Variants in SOX6 observed in about 807,000 individuals in gnomAD.
SOX6 encodes the protein transcription factor SOX-6.
Under a neutral mutation model 97.8 loss-of-function variants are expected in SOX6, and 11 were observed. That is an observed-to-expected ratio of 0.11 (90% CI 0.07 to 0.19). The LOEUF (loss-of-function observed/expected upper bound fraction) is 0.19. SOX6 is among the 10% of genes least tolerant of loss of function. The probability of loss-of-function intolerance (pLI) is 1.00; values close to 1 mark genes in which losing one functional copy is unlikely to be tolerated. For synonymous variants in SOX6, 360 were observed against 371.4 expected (o/e 0.97, Z 0.35); for missense variants, 810 against 1,039.5 (o/e 0.78, Z 3.04).
intron 2 of SOX6, among the ~76,000 whole-genome samples, chr11:16,332,113 T>C (rs1195087533): frequency 6.6e-5 from 10 of 152,032 alleles, no homozygotes; most frequent in Admixed American, 2.6e-4. Context: ...AATACATCGA[T>C]GAGAGAACAA....
chr11:16,050,372 C>T (rs958850075), intron 10 of SOX6, among the ~76,000 whole-genome samples: 1 of 152,122 alleles, frequency 6.6e-6, no homozygotes, highest in African/African-American at 2.4e-5. Flanking sequence ...TTAAATCAAA[C>T]AATTGCAAGC....
At chr11:16,093,856 C>T (rs576917890) in intron 9 of SOX6, among the ~76,000 whole-genome samples, 3 of 152,064 alleles carry the variant, frequency 2.0e-5, no homozygotes, top group African/African-American at 7.2e-5. Flanking sequence ...TAAAACGTTA[C>T]TATCTAGCAC....
chr11:16,277,659 T>C (rs140982302), intron 3 of SOX6, among the ~76,000 whole-genome samples: 347 of 152,284 alleles, frequency 2.3e-3, no homozygotes, highest in African/African-American at 8.0e-3. Flanking sequence ...CCTCAGCCTA[T>C]AGCTGCTCCA....
intron 9 of SOX6, among the ~76,000 whole-genome samples, chr11:16,088,299 T>A (rs1415537029): frequency 6.6e-6 from 1 of 152,164 alleles, no homozygotes. Flanking sequence ...CACATCATAA[T>A]CACCTAAAGT....
intron 10 of SOX6, among the ~76,000 whole-genome samples, chr11:16,053,268 C>T (rs367600718): frequency 1.3e-5 from 2 of 152,156 alleles, no homozygotes; most frequent in East Asian, 3.9e-4. Flanking sequence ...TGTCTGAAAA[C>T]CATTGTTTTA....
At chr11:16,336,252 G>A (rs538119948) in intron 2 of SOX6, among the ~76,000 whole-genome samples, 3 of 152,156 alleles carry the variant, frequency 2.0e-5, no homozygotes, top group Non-Finnish European at 2.9e-5. Flanking sequence ...TACCACAGAA[G>A]CCACCTACTA....
intron 2 of SOX6, among the ~76,000 whole-genome samples, chr11:16,734,689 A>C (rs1848378710): frequency 6.6e-6 from 1 of 152,190 alleles, no homozygotes; most frequent in African/African-American, 2.4e-5. Flanking sequence ...TCTAAAATCA[A>C]AGTCATCCTA....
rs776986136 is a variant in SOX6, at chr11:15,972,866, G to A, written c.2430C>T (p.Asp810=). 1.9e-6 allele frequency: 3 copies of A among 1,614,182 alleles called. No homozygotes were observed. The highest frequency in any genetic ancestry group is 2.5e-6 in the Non-Finnish European group (3 of 1,180,028). The part of the protein sequence containing the change: ...EMEMYDDYED[D]PKSDYSSENE... ...TTTCACTGCTATAGTCTGATTTGGG[G>A]TCATCTTCATAGTCATCATACATTT... The change falls in exon 16 of 16, where the codon GAC becomes GAT. Residue 810 remains aspartate (D), a synonymous_variant. Transcript: ENST00000683767.
chr11:16,394,580 T>C (rs745832743), intron 1 of SOX6, among the ~76,000 whole-genome samples: 4 of 151,954 alleles, frequency 2.6e-5, no homozygotes, highest in Non-Finnish European at 4.4e-5. Flanking sequence ...TTCTTTTTCA[T>C]GTTTTTATAA....
At chr11:15,986,483 A>G in intron 14 of SOX6, 63 bp from the exon 15 acceptor site, 1 of 1,482,964 alleles carries the variant, frequency 6.7e-7, no homozygotes, top group Admixed American at 1.7e-5. Context: ...GGCAAACACA[A>G]CTAGATATAC....
At chr11:16,160,779 G>T (rs1850728865) in intron 6 of SOX6, among the ~76,000 whole-genome samples, 1 of 151,986 alleles carries the variant, frequency 6.6e-6, no homozygotes, top group African/African-American at 2.4e-5. Flanking sequence ...TGAGCCCAGG[G>T]GGCTAATTAT....
chr11:16,226,447 G>T (rs939498515), intron 4 of SOX6, among the ~76,000 whole-genome samples: 2 of 151,998 alleles, frequency 1.3e-5, no homozygotes, highest in African/African-American at 4.8e-5. Context: ...GCCCAGGGAG[G>T]CACCTTCACA....
chr11:16,467,597 G>A (rs1241135193), intron 1 of SOX6, among the ~76,000 whole-genome samples: 1 of 152,130 alleles, frequency 6.6e-6, no homozygotes, highest in Admixed American at 6.5e-5. Flanking sequence ...AGAACACATG[G>A]ACACATAGAG....
At position 16,610,520 on chromosome 11, in the gene SOX6, G is replaced by A. The variant is rs1848384072; in HGVS notation, n.609+1561C>T. Reference sequence around the variant, plus strand: ...ATTATCAAGATCTCTGGCGTCCACTGAAGGCCCTAATACCCGGCCGCGATG... The same window carrying A: ...ATTATCAAGATCTCTGGCGTCCACTAAAGGCCCTAATACCCGGCCGCGATG... On this transcript the variant is annotated intron_variant and non_coding_transcript_variant, in intron 4 of 5. Transcript: ENST00000524520. This position sits in a 1 kb window ranked among gnomAD's most constrained non-coding sequence, Gnocchi z 4.4. 6.6e-6 allele frequency among the ~76,000 whole-genome samples: 1 copy of A among 152,200 alleles called. No homozygotes were observed. The highest frequency in any genetic ancestry group is 1.5e-5 in the Non-Finnish European group (1 of 68,040).
intron 13 of SOX6, among the ~76,000 whole-genome samples, chr11:16,007,493 C>G (rs889344014): frequency 1.3e-5 from 2 of 152,030 alleles, no homozygotes; most frequent in African/African-American, 2.4e-5. Flanking sequence ...TGGGTGGGTA[C>G]TGACTCTTTG....
chr11:16,062,673 G>A (rs1847988265), intron 9 of SOX6, among the ~76,000 whole-genome samples: 1 of 151,638 alleles, frequency 6.6e-6, no homozygotes, highest in Non-Finnish European at 1.5e-5. Flanking sequence ...CAGTGTATAT[G>A]TGTAAAAATA....
intron 15 of SOX6, among the ~76,000 whole-genome samples, chr11:15,979,545 T>TACA (rs1256978565): frequency 6.6e-6 from 1 of 152,164 alleles, no homozygotes. Context: ...CACAATGTCT[T>TACA]ACAAGTCTTT....
chr11:16,576,615 C>A (rs1280918033), intron 4 of SOX6, among the ~76,000 whole-genome samples: 2 of 151,898 alleles, frequency 1.3e-5, no homozygotes, highest in African/African-American at 2.4e-5. Flanking sequence ...TTTTAACATG[C>A]CTTCTGAGAA....
chr11:16,226,524 G>T (rs1196459267), intron 4 of SOX6, among the ~76,000 whole-genome samples: 1 of 152,114 alleles, frequency 6.6e-6, no homozygotes, highest in Non-Finnish European at 1.5e-5. Context: ...TGACTAAGAT[G>T]ATCTCAGCCA....
Sources: gnomAD v4.1 joint callset for allele counts (sites outside exome capture counted in the v4.1 genomes callset) on GRCh38, gnomAD v4.1.1 for gene constraint, Gnocchi (gnomAD v3.1) non-coding constraint, MANE v1.5 for transcripts, NCBI Gene and HGNC (gene_info 2026-07-23, HGNC 2026-07-21) for gene names.